SYTL3: variants seen among roughly 807,000 people sequenced by gnomAD.
SYTL3 encodes synaptotagmin like 3, also known as synaptotagmin-like protein 3.
A neutral mutation model predicts 82.1 loss-of-function variants in SYTL3; 88 were observed. The observed-to-expected ratio is 1.07, with a 90% CI of 0.90 to 1.28. The LOEUF (loss-of-function observed/expected upper bound fraction) is 1.28. Among genes scored for constraint, SYTL3 ranks in the 50% most tolerant of loss-of-function variants. The probability of loss-of-function intolerance (pLI) is 0.00; values close to 1 mark genes in which losing one functional copy is unlikely to be tolerated. For missense variants in SYTL3, 831 were observed against 757.6 expected, an observed-to-expected ratio of 1.10 and a Z score of -1.14; for synonymous variants, 311 against 289.4, an observed-to-expected ratio of 1.07 and a Z score of -0.76.
chr6:158,653,352 C>G (rs1788271514), intron 2 of SYTL3, among the ~76,000 whole-genome samples: 1 of 151,984 alleles, frequency 6.6e-6, no homozygotes, highest in South Asian at 2.1e-4. Flanking sequence ...ACTAAAAATA[C>G]AAAATTAGCG....
At chr6:158,702,824 G>T (rs1781473018) in intron 6 of SYTL3, among the ~76,000 whole-genome samples, 2 of 151,850 alleles carry the variant, frequency 1.3e-5, no homozygotes, top group Non-Finnish European at 2.9e-5. Flanking sequence ...GTGACTTTGG[G>T]CCCATGACAC....
At chr6:158,675,669 C>T (rs528271531) in intron 5 of SYTL3, among the ~76,000 whole-genome samples, 54 of 152,194 alleles carry the variant, frequency 3.5e-4, no homozygotes, top group East Asian at 5.8e-4. Flanking sequence ...CAAAAATGGC[C>T]GGGCGCAGTG....
At chr6:158,715,638 T>TCC (rs1783307180) in intron 9 of SYTL3, among the ~76,000 whole-genome samples, 61 of 16,002 alleles carry the variant, frequency 3.8e-3, no homozygotes, top group African/African-American at 0.01. Flanking sequence ...GCACCCCCCA[T>TCC]ACCCCCCCAC....
At chr6:158,654,932 G>A (rs1307827846) in intron 2 of SYTL3, among the ~76,000 whole-genome samples, 1 of 152,172 alleles carries the variant, frequency 6.6e-6, no homozygotes, top group Non-Finnish European at 1.5e-5. Flanking sequence ...ATGGAGTGCT[G>A]TAAAACAAAG....
At position 158,757,392 on chromosome 6, in the gene SYTL3, G is replaced by C. The variant is rs777770707; in HGVS notation, c.1308+11G>C. 4 of 1,613,042 alleles carry C rather than the reference G, an allele frequency of 2.5e-6. No individual in the cohort carries two copies. On this transcript the variant is annotated intron_variant, in intron 14 of 17. Transcript: ENST00000611299. ...CCGCTCCGGGCCAAGGTGATGTCTG[G>C]TTTTGGACTGAGTGCCCTCCATCCC... is the stretch of plus-strand genomic sequence containing the variant.
intron 4 of SYTL3, among the ~76,000 whole-genome samples, chr6:158,665,139 A>G (rs1353813271): frequency 1.3e-5 from 2 of 152,126 alleles, no homozygotes; most frequent in African/African-American, 4.8e-5. Context: ...CATGTTATTT[A>G]TACTTTGCCA....
intron 2 of SYTL3, among the ~76,000 whole-genome samples, chr6:158,657,425 CAAA>C (rs535361947): frequency 1.2e-5 from 1 of 80,116 alleles, no homozygotes; most frequent in African/African-American, 5.1e-5. Flanking sequence ...GACTCTGGCT[CAAA>C]AAAAAAAAAA....
At chr6:158,669,133 A>G (rs371086644) in intron 5 of SYTL3, among the ~76,000 whole-genome samples, 2 of 152,230 alleles carry the variant, frequency 1.3e-5, no homozygotes, top group East Asian at 3.8e-4. Context: ...ATGTTGAAAT[A>G]TCAAGGAGGA....
intron 6 of SYTL3, among the ~76,000 whole-genome samples, chr6:158,684,873 T>A (rs1368404093): frequency 6.7e-6 from 1 of 149,804 alleles, no homozygotes; most frequent in Non-Finnish European, 1.5e-5. Context: ...AAAAAACTAA[T>A]ACTAAGGGTC....
At chr6:158,757,000 A>ACCCCCC (rs55885095) in intron 13 of SYTL3, among the ~76,000 whole-genome samples, 3 of 142,024 alleles carry the variant, frequency 2.1e-5, no homozygotes, top group Non-Finnish European at 3.1e-5. Context: ...CAGAGAGAGG[A>ACCCCCC]CCCCCCCGCC....
intron 9 of SYTL3, among the ~76,000 whole-genome samples, chr6:158,714,850 C>T (rs748396717): frequency 6.6e-6 from 1 of 152,090 alleles, no homozygotes; most frequent in African/African-American, 2.4e-5. Context: ...ATTAGTTGTC[C>T]GTATTCCTCA....
intron 8 of SYTL3, among the ~76,000 whole-genome samples, 163 bp downstream of exon 8, chr6:158,708,554 A>C (rs1196456968): frequency 6.6e-6 from 1 of 152,188 alleles, no homozygotes; most frequent in African/African-American, 2.4e-5. Flanking sequence ...GAGGGCCCTC[A>C]GGCTGGGCAG....
intron 11 of SYTL3, chr6:158,726,237 C>A: frequency 2.3e-6 from 1 of 436,646 alleles, no homozygotes; most frequent in South Asian, 2.0e-5. Flanking sequence ...AGAGGCCTGT[C>A]CAAAGACAAA....
chr6:158,699,608 G>C (rs1157338486), intron 6 of SYTL3, among the ~76,000 whole-genome samples: 1 of 152,016 alleles, frequency 6.6e-6, no homozygotes, highest in Non-Finnish European at 1.5e-5. Context: ...GCCCTGCTGT[G>C]GGTAGAGGTT....
intron 5 of SYTL3, among the ~76,000 whole-genome samples, chr6:158,672,357 G>A (rs1461887653): frequency 1.3e-5 from 2 of 152,326 alleles, no homozygotes; most frequent in East Asian, 3.9e-4. Flanking sequence ...GTATTTGAGA[G>A]TTGCTTTCCG....
chr6:158,752,491 T>C (rs1788521192), intron 13 of SYTL3, among the ~76,000 whole-genome samples: 1 of 152,246 alleles, frequency 6.6e-6, no homozygotes, highest in Non-Finnish European at 1.5e-5. Flanking sequence ...TTTATTTTTT[T>C]TAAATGAATC....
intron 6 of SYTL3, among the ~76,000 whole-genome samples, chr6:158,705,906 G>A (rs1782035438): frequency 6.6e-6 from 1 of 152,162 alleles, no homozygotes; most frequent in African/African-American, 2.4e-5. Context: ...GGATGGGCAG[G>A]ATGAGCAGCG....
intron 6 of SYTL3, among the ~76,000 whole-genome samples, chr6:158,689,904 T>A (rs964597927): frequency 1.3e-4 from 20 of 152,244 alleles, no homozygotes; most frequent in African/African-American, 4.8e-4. Flanking sequence ...TTCGCCTGCC[T>A]TGGCCTCCCA....
Position 158,748,706 on chromosome 6 carries a change from A to C in SYTL3, c.1034+3048A>C, listed in dbSNP as rs1043650741. On this transcript the variant is annotated intron_variant, in intron 12 of 17. Coordinates refer to ENST00000611299, the MANE Select transcript of SYTL3 (RefSeq NM_001242394.2). ...CTAAAAATACAAAAATTAGCCGGGC[A>C]TGGTGGCAGGCACCTGTAATCCCAG... 3.3e-5 allele frequency among the ~76,000 whole-genome samples: 5 copies of C among 151,942 alleles called. No individual in the cohort carries two copies. In the South Asian group the frequency reaches 1.0e-3, roughly 32 times the overall value.
Sources: gnomAD v4.1 joint callset for allele counts (sites outside exome capture counted in the v4.1 genomes callset) on GRCh38, gnomAD v4.1.1 for gene constraint, MANE v1.5 for transcripts, NCBI Gene and HGNC (gene_info 2026-07-23, HGNC 2026-07-21) for gene names.